Variants in SLCO1A2 observed in about 807,000 individuals in gnomAD.
SLCO1A2 encodes OATP-1.
In SLCO1A2, 67 loss-of-function variants were observed where a neutral mutation model predicts 69.0. The observed-to-expected ratio is 0.97, with a 90% CI of 0.80 to 1.19. The LOEUF (loss-of-function observed/expected upper bound fraction) is 1.19, where lower values mean the gene tolerates loss of function less well. SLCO1A2 is among the 50% of genes most tolerant of loss of function. The pLI is 0.00. For synonymous variants in SLCO1A2, 260 were observed against 265.9 expected (o/e 0.98, Z 0.22); for missense variants, 787 against 793.7 (o/e 0.99, Z 0.10).
At chr12:21,376,032 T>G (rs1940170462) in intron 1 of SLCO1A2, among the ~76,000 whole-genome samples, 1 of 152,158 alleles carries the variant, frequency 6.6e-6, no homozygotes, top group Admixed American at 6.5e-5. Flanking sequence ...ATGAAAAGTC[T>G]TTTTTAGAAA....
intron 11 of SLCO1A2, among the ~76,000 whole-genome samples, chr12:21,293,595 G>GTATA (rs147597428): frequency 3.2e-4 from 48 of 150,196 alleles, no homozygotes; most frequent in African/African-American, 1.0e-3. Context: ...ATATATATAT[G>GTATA]TATATATATA....
chr12:21,388,358 C>T (rs150584928), intron 1 of SLCO1A2, among the ~76,000 whole-genome samples: 300 of 152,174 alleles, frequency 2.0e-3, no homozygotes, highest in Non-Finnish European at 3.4e-3. Context: ...TCCCATAATC[C>T]CCATGTGTCA....
At position 21,378,446 on chromosome 12, in the gene SLCO1A2, G is replaced by A. The variant is rs1218822440; in HGVS notation, c.-189-3921C>T. ...CTTTAGAGGACAATGTAACTCTATAGTTATTGTTTTATGTTCTAGTGATTT... is the reference window on the plus strand; with the variant it reads ...CTTTAGAGGACAATGTAACTCTATAATTATTGTTTTATGTTCTAGTGATTT... On this transcript the variant is annotated intron_variant, in intron 1 of 15. Transcript: ENST00000307378. 5 of 1,587,984 alleles carry A rather than the reference G, an allele frequency of 3.1e-6. No individual in the cohort carries two copies. The South Asian group carries it at 5.5e-5, about 18-fold the overall frequency.
At chr12:21,418,635 G>C (rs1333030758), upstream of SLCO1A2, among the ~76,000 whole-genome samples, 7 of 152,066 alleles carry the variant, frequency 4.6e-5, no homozygotes, top group African/African-American at 1.7e-4. Flanking sequence ...ACTACCACGA[G>C]AACAGTATGA....
intron 12 of SLCO1A2, among the ~76,000 whole-genome samples, chr12:21,289,816 G>T (rs926075546): frequency 6.6e-6 from 1 of 151,834 alleles, no homozygotes; most frequent in Admixed American, 6.6e-5. Context: ...CATCTAAAGT[G>T]GGGGCAGTCT....
chr12:21,403,804 T>C (rs1179823749), intron 1 of SLCO1A2: 2 of 151,114 alleles, frequency 1.3e-5, no homozygotes, highest in Non-Finnish European at 2.9e-5. Context: ...AAAACCTCAG[T>C]TAATGGCACT....
At chr12:21,334,421 C>T (rs1010902585) in intron 2 of SLCO1A2, among the ~76,000 whole-genome samples, 167 bp downstream of exon 2, 1 of 152,034 alleles carries the variant, frequency 6.6e-6, no homozygotes, top group Admixed American at 6.6e-5. Context: ...TGTAGACACA[C>T]CCTCAGTTAT....
chr12:21,288,011 T>TAAAAAAAAAAA, intron 12 of SLCO1A2, among the ~76,000 whole-genome samples: 1 of 102,956 alleles, frequency 9.7e-6, no homozygotes. Context: ...TAAAGTATAA[T>TAAAAAAAAAAA]AAAAAAAAAA....
chr12:21,293,883 C>A, intron 11 of SLCO1A2, 62 bp downstream of exon 11: 1 of 1,368,764 alleles, frequency 7.3e-7, no homozygotes, highest in South Asian at 1.5e-5. Context: ...AATATAGGCC[C>A]AGTTCATAGT....
intron 1 of SLCO1A2, among the ~76,000 whole-genome samples, chr12:21,382,336 G>A (rs140481708): frequency 8.8e-4 from 134 of 152,234 alleles, no homozygotes; most frequent in South Asian, 2.5e-3. Context: ...AGAAGCGGGA[G>A]GGTGAGAGGG....
At chr12:21,276,823 A>C (rs1193423998) in intron 12 of SLCO1A2, among the ~76,000 whole-genome samples, 1 of 152,206 alleles carries the variant, frequency 6.6e-6, no homozygotes, top group African/African-American at 2.4e-5. Context: ...AACTCAGCTG[A>C]TTCTTACCCA....
At chr12:21,313,435 T>C (rs7977652) in intron 4 of SLCO1A2, among the ~76,000 whole-genome samples, 2 of 152,046 alleles carry the variant, frequency 1.3e-5, no homozygotes, top group Non-Finnish European at 2.9e-5. Flanking sequence ...AGGCAAGGCT[T>C]GGCCAGGTGG....
chr12:21,334,531 G>T, intron 2 of SLCO1A2, 57 bp downstream of exon 2: 2 of 1,277,894 alleles, frequency 1.6e-6, no homozygotes, highest in Non-Finnish European at 2.3e-6. Context: ...TACCAGGACT[G>T]TCGTATTTTA....
At chr12:21,390,375 GA>G (rs1164596261) in intron 1 of SLCO1A2, among the ~76,000 whole-genome samples, 1 of 152,030 alleles carries the variant, frequency 6.6e-6, no homozygotes, top group Non-Finnish European at 1.5e-5. Context: ...AAAAGGAAAA[GA>G]AGGTAAACTT....
At chr12:21,371,076 A>G (rs552398796) in intron 2 of SLCO1A2, among the ~76,000 whole-genome samples, 1 of 152,302 alleles carries the variant, frequency 6.6e-6, no homozygotes, top group South Asian at 2.1e-4. Flanking sequence ...TCATATTTAT[A>G]CCCACTTTTA....
intron 2 of SLCO1A2, among the ~76,000 whole-genome samples, chr12:21,372,167 G>C (rs1377377436): frequency 2.0e-5 from 3 of 152,158 alleles, no homozygotes; most frequent in African/African-American, 7.2e-5. Context: ...AAACAAATCT[G>C]TTCTTTCAAA....
At chr12:21,331,213 T>G (rs1255503841) in intron 2 of SLCO1A2, among the ~76,000 whole-genome samples, 1 of 152,078 alleles carries the variant, frequency 6.6e-6, no homozygotes, top group Non-Finnish European at 1.5e-5. Context: ...GAGTGATGCC[T>G]TTGTTCTGAG....
chr12:21,289,841 G>A (rs912148872), intron 12 of SLCO1A2, among the ~76,000 whole-genome samples: 20 of 151,938 alleles, frequency 1.3e-4, no homozygotes, highest in African/African-American at 4.6e-4. Context: ...GGACTGAACC[G>A]TTTAACTTTT....
At chr12:21,368,874 C>A (rs896851809) in intron 2 of SLCO1A2, among the ~76,000 whole-genome samples, 200 of 152,164 alleles carry the variant, frequency 1.3e-3, no homozygotes, top group African/African-American at 4.6e-3. Flanking sequence ...GTGAGGAGAG[C>A]TGAATCTTCT....
Sources: allele counts gnomAD v4.1 joint callset (sites outside exome capture counted in the v4.1 genomes callset), GRCh38; gene constraint gnomAD v4.1.1; transcripts MANE v1.5; gene names NCBI Gene and HGNC (gene_info 2026-07-23, HGNC 2026-07-21).